Variants in LDLRAD3 observed in about 807,000 individuals in gnomAD.
LDLRAD3 encodes low-density lipoprotein receptor class A domain-containing protein 3.
In LDLRAD3, 20 loss-of-function variants were observed where a neutral mutation model predicts 29.4. The ratio of observed to expected loss-of-function variants is 0.68; its 90% CI spans 0.48 to 0.99. LDLRAD3 has a LOEUF of 0.99. Ranked by LOEUF, LDLRAD3 falls within the 50% of genes least tolerant of loss-of-function variation. LDLRAD3 has a pLI of 0.00. For missense variants in LDLRAD3, 420 were observed against 454.3 expected (o/e 0.92, Z 0.69); for synonymous variants, 157 against 192.7 (o/e 0.81, Z 1.53).
chr11:36,040,997 C>T (rs1283406633), intron 2 of LDLRAD3, among the ~76,000 whole-genome samples: 2 of 151,906 alleles, frequency 1.3e-5, no homozygotes, highest in Non-Finnish European at 2.9e-5. Context: ...TATTAATTTC[C>T]AGCTGAGTTA....
At chr11:36,186,036 T>C (rs548068192) in intron 4 of LDLRAD3, among the ~76,000 whole-genome samples, 4 of 152,316 alleles carry the variant, frequency 2.6e-5, no homozygotes, top group Non-Finnish European at 4.4e-5. Context: ...TTTAAAACCC[T>C]GGTCTGCCTG....
At chr11:36,025,189 T>A (rs899555789) in intron 1 of LDLRAD3, among the ~76,000 whole-genome samples, 3 of 152,178 alleles carry the variant, frequency 2.0e-5, no homozygotes, top group African/African-American at 7.2e-5. Context: ...AGCGAGAATA[T>A]AGTGGTAAAT....
At chr11:35,964,312 A>G (rs957848236) in intron 1 of LDLRAD3, among the ~76,000 whole-genome samples, 17 of 152,186 alleles carry the variant, frequency 1.1e-4, no homozygotes, top group African/African-American at 3.6e-4. Context: ...CATGATCGTG[A>G]TTTGACCCAG....
chr11:36,109,796 G>A (rs1853582254), intron 4 of LDLRAD3: 1 of 152,120 alleles, frequency 6.6e-6, no homozygotes, highest in Non-Finnish European at 1.5e-5. Context: ...AATCAAAAAT[G>A]TCACAACCTG....
At chr11:36,058,897 C>G (rs1344629528) in intron 2 of LDLRAD3, among the ~76,000 whole-genome samples, 2 of 152,052 alleles carry the variant, frequency 1.3e-5, no homozygotes, top group African/African-American at 4.8e-5. Flanking sequence ...GTTGAGGAAC[C>G]CTGATTTAGA....
intron 4 of LDLRAD3, among the ~76,000 whole-genome samples, chr11:36,145,117 G>GC: frequency 9.2e-6 from 1 of 108,940 alleles, no homozygotes; most frequent in Admixed American, 8.1e-5. Context: ...TGGGGGGTCA[G>GC]CCCCCCGCCC....
chr11:36,036,214 C>T lies in LDLRAD3; in HGVS notation c.158C>T (p.Pro53Leu). Residue 53 changes from proline to leucine, a missense_variant, in exon 2 of 6, where the codon CCT becomes CTT. Physicochemically the swap from Pro to Leu is moderately conservative, Grantham distance 98 (BLOSUM62 -3). Coordinates refer to ENST00000315571, the MANE Select transcript of LDLRAD3 (RefSeq NM_174902.4). ...IPGAWQCDGL[P>L]DCFDKSDEKE... ...GGCGCCTGGCAGTGTGACGGGCTGC[C>T]TGACTGCTTCGACAAGAGTGATGAG... is the stretch of plus-strand genomic sequence containing the variant. 1.9e-6 allele frequency: 3 copies of T among 1,614,176 alleles called. No homozygotes were observed. The highest frequency in any genetic ancestry group is 2.5e-6 in the Non-Finnish European group (3 of 1,180,036).
rs570183555 is a variant in LDLRAD3, at chr11:36,110,365, T to C, written c.454+11904T>C. Among the ~76,000 whole-genome samples the C allele has an allele frequency of 5.3e-5, 8 of 152,196 alleles. No individual in the cohort carries two copies. The East Asian group carries it at 1.4e-3, about 26-fold the overall frequency. On this transcript the variant is annotated intron_variant, in intron 4 of 5. Coordinates refer to ENST00000315571, the MANE Select transcript of LDLRAD3 (RefSeq NM_174902.4). ...GGTCCCTGCCTCTGTCCTAGCTCTC[T>C]CTCCCCGGTGAATGGCGGAGTCCAT...
At chr11:36,053,330 A>T (rs1852556345) in intron 2 of LDLRAD3, among the ~76,000 whole-genome samples, 1 of 152,042 alleles carries the variant, frequency 6.6e-6, no homozygotes, top group Non-Finnish European at 1.5e-5. Context: ...CTCACTTCCA[A>T]CTATCATAGC....
rs151152239 is a variant in LDLRAD3 at position 35,950,441 on chromosome 11, G to A, written c.46+6297G>A. On this transcript the variant is annotated intron_variant, in intron 1 of 5. Coordinates refer to ENST00000315571, the MANE Select transcript of LDLRAD3 (RefSeq NM_174902.4). The stretch of plus-strand genomic sequence containing the variant: ...TTCTAGCTCTAGGCTTCTGAGGTTT[G>A]AGCTAGAAATGTCTTCTGTGGCTTT... 7.4e-3 allele frequency among the ~76,000 whole-genome samples: 1,121 copies of A among 152,268 alleles called. 19 individuals are homozygous for A. Among genetic ancestry groups the A allele is most frequent in the African/African-American group, 0.025 (1,046 of 41,542 alleles).
chr11:36,125,407 A>G (rs1191499996), intron 4 of LDLRAD3, among the ~76,000 whole-genome samples: 1 of 152,262 alleles, frequency 6.6e-6, no homozygotes, highest in Non-Finnish European at 1.5e-5. Flanking sequence ...ATTGTTGTGT[A>G]GAATGAATTA....
At chr11:36,042,216 T>C (rs1852392207) in intron 2 of LDLRAD3, among the ~76,000 whole-genome samples, 1 of 152,136 alleles carries the variant, frequency 6.6e-6, no homozygotes, top group African/African-American at 2.4e-5. Context: ...GCCACATATA[T>C]TTTCTTTTAA....
At chr11:36,146,973 A>T (rs941181073) in intron 4 of LDLRAD3, among the ~76,000 whole-genome samples, 1 of 151,772 alleles carries the variant, frequency 6.6e-6, no homozygotes, top group African/African-American at 2.4e-5. Context: ...TATTTTTAGT[A>T]GAGACAGGGT....
intron 4 of LDLRAD3, among the ~76,000 whole-genome samples, chr11:36,121,933 C>G (rs1327385317): frequency 6.6e-6 from 1 of 152,312 alleles, no homozygotes; most frequent in Non-Finnish European, 1.5e-5. Flanking sequence ...AGGCACTGCT[C>G]ATTCGTGTTT....
At chr11:36,197,085 C>T (rs1440028300) in intron 4 of LDLRAD3, 2 of 152,200 alleles carry the variant, frequency 1.3e-5, no homozygotes, top group Non-Finnish European at 2.9e-5. Flanking sequence ...CGCCCTTCTG[C>T]ATTCAGAAAA....
chr11:35,985,170 A>T (rs950317062), intron 1 of LDLRAD3, among the ~76,000 whole-genome samples: 1 of 152,070 alleles, frequency 6.6e-6, no homozygotes, highest in African/African-American at 2.4e-5. Flanking sequence ...GCTTCACGCA[A>T]TTCACTCACC....
intron 4 of LDLRAD3, among the ~76,000 whole-genome samples, chr11:36,105,602 C>T (rs1184684916): frequency 6.6e-6 from 1 of 151,664 alleles, no homozygotes; most frequent in Non-Finnish European, 1.5e-5. Context: ...ATTTGGACAC[C>T]GACATCACAC....
intron 4 of LDLRAD3, among the ~76,000 whole-genome samples, chr11:36,180,052 C>T (rs1422953132): frequency 4.6e-5 from 7 of 152,150 alleles, no homozygotes; most frequent in South Asian, 4.1e-4. Context: ...GCCAGCCCAA[C>T]GCACAGATCA....
intron 4 of LDLRAD3, among the ~76,000 whole-genome samples, chr11:36,206,108 A>G (rs1489040234): frequency 6.6e-6 from 1 of 152,202 alleles, no homozygotes; most frequent in African/African-American, 2.4e-5. Flanking sequence ...GGAGAGGAAA[A>G]TCATGAAGAG....
Sources: allele counts gnomAD v4.1 joint callset (sites outside exome capture counted in the v4.1 genomes callset), GRCh38; gene constraint gnomAD v4.1.1; transcripts MANE v1.5; gene names NCBI Gene and HGNC (gene_info 2026-07-23, HGNC 2026-07-21).